Variants in KCTD1 observed in about 807,000 individuals in gnomAD.
KCTD1 encodes potassium channel tetramerization domain containing 1, also known as BTB/POZ domain-containing protein KCTD1.
KCTD1 carries 24 observed loss-of-function variants against 66.0 expected under a neutral mutation model. The observed-to-expected ratio is 0.36, with a 90% CI of 0.26 to 0.51. The LOEUF (loss-of-function observed/expected upper bound fraction) is 0.51. Ranked by LOEUF, KCTD1 falls within the 20% of genes least tolerant of loss-of-function variation. The pLI, the probability that KCTD1 is intolerant of heterozygous loss-of-function variation, is 0.95. For missense variants in KCTD1, 943 were observed against 1,205.2 expected (o/e 0.78, Z 3.22); for synonymous variants, 511 against 517.2 (o/e 0.99, Z 0.16).
chr18:26,641,710 C>G (rs1454278870), upstream of KCTD1, among the ~76,000 whole-genome samples: 1 of 152,076 alleles, frequency 6.6e-6, no homozygotes, highest in Non-Finnish European at 1.5e-5. Flanking sequence ...GTGGGCAGAG[C>G]CTGTTCCATG....
intron 1 of KCTD1, among the ~76,000 whole-genome samples, chr18:26,568,007 G>A (rs542834255): frequency 6.6e-6 from 1 of 152,252 alleles, no homozygotes; most frequent in East Asian, 1.9e-4. Flanking sequence ...AACATTTGTA[G>A]GATTTTAAGT....
intron 1 of KCTD1, chr18:26,543,460 C>T (rs1985068420): frequency 6.6e-6 from 1 of 152,242 alleles, no homozygotes; most frequent in African/African-American, 2.4e-5. Context: ...ATGCCTTTCA[C>T]TATTAAGTAG....
intron 1 of KCTD1, among the ~76,000 whole-genome samples, chr18:26,539,138 T>C (rs920292184): frequency 2.6e-5 from 4 of 152,244 alleles, no homozygotes; most frequent in Non-Finnish European, 4.4e-5. Flanking sequence ...CAACAGGCCA[T>C]GGGTTTGAAA....
chr18:26,534,753 CT>C (rs913941583), intron 1 of KCTD1, among the ~76,000 whole-genome samples: 50 of 152,278 alleles, frequency 3.3e-4, no homozygotes, highest in African/African-American at 1.2e-3. Flanking sequence ...GTAACTTTAA[CT>C]TGGTCTATCC....
upstream of KCTD1, chr18:26,629,274 A>G (rs915179265): frequency 6.5e-6 from 6 of 919,228 alleles, no homozygotes; most frequent in African/African-American, 1.1e-4. Flanking sequence ...GGGCCAGCCC[A>G]TGACCTTAGC....
rs1984059286 is a variant in KCTD1 at position 26,524,408 on chromosome 18, ACT to A, written c.1809+22318_1809+22319del. On this transcript the variant is annotated intron_variant, in intron 1 of 4. Coordinates refer to ENST00000580059, the MANE Select transcript of KCTD1 (RefSeq NM_001142730.3). Reference sequence around the variant, plus strand: ...TTCAAGGTCTGTTTTATTTCGAAACACTCTGTCTTTACAGATAGAATTAGCTC... The same window carrying A: ...TTCAAGGTCTGTTTTATTTCGAAACACTGTCTTTACAGATAGAATTAGCTC... Among the ~76,000 whole-genome samples the A allele has an allele frequency of 2.0e-5, 3 of 151,854 alleles. No individual in the cohort carries two copies. The South Asian group carries it at 6.2e-4, about 32-fold the overall frequency.
Position 26,501,248 on chromosome 18 carries a change from G to C in KCTD1, c.1812C>G (p.Asp604Glu), listed in dbSNP as rs1567970041. The C allele has an allele frequency of 6.2e-7, 1 of 1,612,654 alleles. No homozygotes were observed. The highest frequency in any genetic ancestry group is 1.3e-5 in the African/African-American group (1 of 74,860). Residue 604 changes from aspartate (D) to glutamate (E), a missense_variant and splice_region_variant, in exon 2 of 5, where the codon GAC becomes GAG. Coordinates refer to ENST00000580059, the MANE Select transcript of KCTD1 (RefSeq NM_001142730.3). ...VSPAIVSPTQ[D>E]SRPNMSRPLI... is the part of the protein sequence containing the mutation. ...GAGGTCTTGACATATTGGGCCGACTGTCCTACAGAGAGATAAGCAAGTTTA... is the reference window on the plus strand; with the variant it reads ...GAGGTCTTGACATATTGGGCCGACTCTCCTACAGAGAGATAAGCAAGTTTA...
chr18:26,602,156 G>T (rs1363614632), intron 1 of KCTD1, among the ~76,000 whole-genome samples: 1 of 152,144 alleles, frequency 6.6e-6, no homozygotes, highest in Non-Finnish European at 1.5e-5. Flanking sequence ...GGTTGAGGAA[G>T]TTATTTAGTG....
intron 1 of KCTD1, among the ~76,000 whole-genome samples, chr18:26,570,401 C>T (rs2144896708): frequency 6.6e-6 from 1 of 151,744 alleles, no homozygotes; most frequent in African/African-American, 2.4e-5. Flanking sequence ...ATAATCCTAA[C>T]TCTCTATTAC....
upstream of KCTD1, among the ~76,000 whole-genome samples, chr18:26,643,496 C>G (rs933548305): frequency 3.3e-5 from 5 of 152,106 alleles, no homozygotes; most frequent in Non-Finnish European, 7.4e-5. Flanking sequence ...ATTAGTAGAG[C>G]CATGGTGGAG....
Position 26,512,466 on chromosome 18 carries a change from T to G in KCTD1, c.1810-11216A>C, listed in dbSNP as rs942368713. Among the ~76,000 whole-genome samples, 9 of 152,080 alleles carry G rather than the reference T, an allele frequency of 5.9e-5. No homozygotes were observed. In the East Asian group the frequency reaches 1.5e-3, roughly 26 times the overall value. ...TTGCATTAAAAAAAAAAAATTAAAATGCACAGGTTTATACGTACATGACTT... is the reference window on the plus strand; with the variant it reads ...TTGCATTAAAAAAAAAAAATTAAAAGGCACAGGTTTATACGTACATGACTT... On this transcript the variant is annotated intron_variant, in intron 1 of 4. Coordinates refer to ENST00000580059, the MANE Select transcript of KCTD1 (RefSeq NM_001142730.3).
chr18:26,570,003 A>G (rs998317679), intron 1 of KCTD1, among the ~76,000 whole-genome samples: 2 of 152,068 alleles, frequency 1.3e-5, no homozygotes, highest in Non-Finnish European at 2.9e-5. Flanking sequence ...CCTGACCAAC[A>G]TGGTGAAACC....
Position 26,502,913 on chromosome 18 carries a change from T to C in KCTD1, c.1810-1663A>G, listed in dbSNP as rs898980196. On this transcript the variant is annotated intron_variant, in intron 1 of 4. Coordinates refer to ENST00000580059, the MANE Select transcript of KCTD1 (RefSeq NM_001142730.3). The stretch of plus-strand genomic sequence containing the variant: ...TAAAATATAAATTTGCAAAACATCA[T>C]AGATTTTATGATCTGGAACAGCTTC... Among the ~76,000 whole-genome samples, 5 of 152,310 alleles carry C rather than the reference T, an allele frequency of 3.3e-5. No individual in the cohort carries two copies. The East Asian group carries it at 5.8e-4, about 18-fold the overall frequency.
upstream of KCTD1, chr18:26,548,732 G>A (rs1176371745): frequency 9.7e-6 from 7 of 718,704 alleles, no homozygotes; most frequent in Admixed American, 1.1e-4. Flanking sequence ...GGAGGGGGGA[G>A]GGGGGGACAA....
chr18:26,610,153 A>AC (rs1211660760), intron 1 of KCTD1, among the ~76,000 whole-genome samples: 3 of 152,110 alleles, frequency 2.0e-5, no homozygotes, highest in African/African-American at 7.2e-5. Context: ...ACTTTGAGTT[A>AC]CTTTTTTTTT....
intron 3 of KCTD1, among the ~76,000 whole-genome samples, chr18:26,473,904 TA>T (rs1981207750): frequency 6.6e-6 from 1 of 152,236 alleles, no homozygotes; most frequent in Non-Finnish European, 1.5e-5. Context: ...CCATGTAAAA[TA>T]AATGTGCACA....
At chr18:26,498,305 C>T (rs1359456469) in intron 2 of KCTD1, among the ~76,000 whole-genome samples, 1 of 151,916 alleles carries the variant, frequency 6.6e-6, no homozygotes, top group Admixed American at 6.6e-5. Flanking sequence ...ACAATTCTAT[C>T]TTTTCTAATT....
chr18:26,571,443 A>T (rs1476451463), intron 1 of KCTD1, among the ~76,000 whole-genome samples: 1 of 152,214 alleles, frequency 6.6e-6, no homozygotes, highest in African/African-American at 2.4e-5. Context: ...CCAACAGGAT[A>T]TCAAAATCTG....
intron 1 of KCTD1, among the ~76,000 whole-genome samples, chr18:26,656,225 A>T (rs1014126421): frequency 6.6e-6 from 1 of 152,036 alleles, no homozygotes; most frequent in African/African-American, 2.4e-5. Flanking sequence ...CGGGCTCCTG[A>T]CTTGGCGCTG....
Sources: gnomAD v4.1 joint callset for allele counts (sites outside exome capture counted in the v4.1 genomes callset) on GRCh38, gnomAD v4.1.1 for gene constraint, MANE v1.5 for transcripts, NCBI Gene and HGNC (gene_info 2026-07-23, HGNC 2026-07-21) for gene names.